The following RNF150 variants were observed in gnomAD, a reference collection of about 807,000 sequenced individuals.
RNF150 encodes ring finger protein 150.
In RNF150, 24 loss-of-function variants were observed where a neutral mutation model predicts 39.3. The ratio of observed to expected loss-of-function variants is 0.61; its 90% CI spans 0.44 to 0.86. RNF150 has a LOEUF of 0.86. Among genes scored for constraint, RNF150 ranks in the 40% least tolerant of loss-of-function variants. The probability of loss-of-function intolerance (pLI) is 0.00; values close to 1 mark genes in which losing one functional copy is unlikely to be tolerated. For missense variants in RNF150, 502 were observed against 587.8 expected (o/e 0.85, Z 1.51); for synonymous variants, 255 against 227.3 (o/e 1.12, Z -1.10).
At chr4:141,140,586 C>T (rs897538684) in intron 1 of RNF150, among the ~76,000 whole-genome samples, 1 of 152,018 alleles carries the variant, frequency 6.6e-6, no homozygotes, top group Non-Finnish European at 1.5e-5. Flanking sequence ...AAACTATCTG[C>T]TTTTCTTTTT....
intron 1 of RNF150, among the ~76,000 whole-genome samples, chr4:141,010,124 G>A (rs1393232719): frequency 6.6e-6 from 1 of 152,244 alleles, no homozygotes; most frequent in Non-Finnish European, 1.5e-5. Flanking sequence ...GTTCAGGAAA[G>A]TGGCTTCAAT....
At chr4:140,907,515 T>G (rs973391150) in intron 6 of RNF150, among the ~76,000 whole-genome samples, 1 of 152,106 alleles carries the variant, frequency 6.6e-6, no homozygotes, top group African/African-American at 2.4e-5. Context: ...AGTGCTGAAA[T>G]GACCTTGACA....
At chr4:140,868,455 T>A in intron 6 of RNF150, 76 bp from the exon 7 acceptor site, 1 of 824,296 alleles carries the variant, frequency 1.2e-6, no homozygotes, top group South Asian at 1.5e-5. Context: ...TACAATTGCT[T>A]GTAATAACAT....
chr4:141,150,655 A>G (rs549740671), intron 1 of RNF150, among the ~76,000 whole-genome samples: 2 of 152,260 alleles, frequency 1.3e-5, no homozygotes, highest in African/African-American at 4.8e-5. Flanking sequence ...TGTCCCTCTA[A>G]TATGCCTTAC....
intron 6 of RNF150, among the ~76,000 whole-genome samples, chr4:140,869,063 G>T (rs1483813037): frequency 1.3e-5 from 2 of 152,214 alleles, no homozygotes; most frequent in East Asian, 3.9e-4. Flanking sequence ...TCATTTCCAG[G>T]ATGTATTATA....
At chr4:140,889,389 G>T (rs1240229271) in intron 6 of RNF150, among the ~76,000 whole-genome samples, 2 of 151,992 alleles carry the variant, frequency 1.3e-5, no homozygotes, top group African/African-American at 4.8e-5. Context: ...TTCTGGAGTT[G>T]GTATTTTAAA....
At chr4:141,152,714 G>A (rs1052481400) in intron 1 of RNF150, among the ~76,000 whole-genome samples, 22 of 152,188 alleles carry the variant, frequency 1.4e-4, no homozygotes, top group African/African-American at 4.8e-4. Context: ...CCACTTCTGG[G>A]GGATAAAAGC....
chr4:140,887,516 A>T (rs1408255764), intron 6 of RNF150, among the ~76,000 whole-genome samples: 1 of 152,198 alleles, frequency 6.6e-6, no homozygotes, highest in Non-Finnish European at 1.5e-5. Context: ...CCTGGCTATC[A>T]TCCCACTGTT....
intron 1 of RNF150, among the ~76,000 whole-genome samples, chr4:141,173,380 C>G (rs186370611): frequency 9.1e-4 from 138 of 152,266 alleles, no homozygotes; most frequent in African/African-American, 3.2e-3. Context: ...AGAAAACAGA[C>G]ATAAGTAAAA....
chr4:140,943,513 C>CT lies in RNF150; in HGVS notation c.890+4140dup, dbSNP rs376623128. 1.9e-3 allele frequency among the ~76,000 whole-genome samples: 294 copies of CT among 152,280 alleles called. 1 individual carries two copies. The highest frequency in any genetic ancestry group is 6.5e-3 in the African/African-American group (271 of 41,566). ...ATTGTTAGAAGACATGAAAACATTA[C>CT]TTTTTTTCTGTGGAATCTTTCTTAA... On this transcript the variant is annotated intron_variant, in intron 4 of 6. Transcript: ENST00000515673.
At chr4:141,090,003 T>C (rs1157914571) in intron 1 of RNF150, among the ~76,000 whole-genome samples, 1 of 152,186 alleles carries the variant, frequency 6.6e-6, no homozygotes, top group Admixed American at 6.5e-5. Context: ...AGAGCACATC[T>C]TTACCTAGGC....
intron 1 of RNF150, among the ~76,000 whole-genome samples, chr4:141,188,740 C>A (rs950957715): frequency 7.2e-5 from 11 of 152,198 alleles, no homozygotes; most frequent in African/African-American, 1.9e-4. Flanking sequence ...TTCTAGTTAG[C>A]AGTTCCTGTA....
chr4:141,135,792 T>C (rs1023447230), upstream of RNF150, among the ~76,000 whole-genome samples: 1 of 152,186 alleles, frequency 6.6e-6, no homozygotes, highest in Non-Finnish European at 1.5e-5. Context: ...AAAATACTTA[T>C]TAATTCAATA....
rs1728515922 is a variant in RNF150 at position 140,862,148 on chromosome 4, T to C, written c.*6113A>G. ...CACTAAGGATAACAGACCACAGATA[T>C]TCTGCCAAGCAATGACTTTGGGTAA... On this transcript the variant is annotated 3_prime_UTR_variant, in exon 7 of 7. Coordinates refer to ENST00000515673, the MANE Select transcript of RNF150 (RefSeq NM_020724.2). 1 of 152,180 alleles carries C rather than the reference T, an allele frequency of 6.6e-6. No individual in the cohort carries two copies. The highest frequency in any genetic ancestry group is 1.5e-5 in the Non-Finnish European group (1 of 68,040). The allele number at this position is 152,180 out of a possible 1,614,324, so 9.4% of individuals were successfully genotyped here.
At chr4:140,963,980 A>G (rs1022945472) in intron 2 of RNF150, among the ~76,000 whole-genome samples, 1 of 152,056 alleles carries the variant, frequency 6.6e-6, no homozygotes, top group Non-Finnish European at 1.5e-5. Flanking sequence ...AAACAATCCC[A>G]TTAAATTGAG....
intron 1 of RNF150, among the ~76,000 whole-genome samples, chr4:141,121,932 G>T (rs1311374546): frequency 6.6e-6 from 1 of 152,064 alleles, no homozygotes; most frequent in African/African-American, 2.4e-5. Context: ...AACATATGGG[G>T]AGTCCCCTCC....
intron 4 of RNF150, among the ~76,000 whole-genome samples, chr4:140,931,960 T>C (rs566783477): frequency 6.6e-6 from 1 of 152,340 alleles, no homozygotes; most frequent in East Asian, 1.9e-4. Flanking sequence ...ATGACATTTT[T>C]TCCCCAGCTG....
chr4:140,892,548 G>A lies in RNF150; in HGVS notation c.1198+18596C>T, dbSNP rs181567303. Among the ~76,000 whole-genome samples the A allele has an allele frequency of 3.4e-3, 512 of 152,266 alleles. 6 individuals carry two copies. Among genetic ancestry groups the A allele is most frequent in the African/African-American group, 0.012 (480 of 41,558 alleles). On this transcript the variant is annotated intron_variant, in intron 6 of 6. Transcript: ENST00000515673. ...AATATTGGGTTTGAAAAAGACTTTT[G>A]TTAAAAACCCAAAGGCAAAGGTGTG...
intron 1 of RNF150, among the ~76,000 whole-genome samples, chr4:141,113,800 A>G (rs1739465300): frequency 6.6e-6 from 1 of 152,206 alleles, no homozygotes; most frequent in African/African-American, 2.4e-5. Context: ...GCAAAAGAAC[A>G]GAAACCATAA....
Sources: gnomAD v4.1 joint callset for allele counts (sites outside exome capture counted in the v4.1 genomes callset) on GRCh38, gnomAD v4.1.1 for gene constraint, MANE v1.5 for transcripts, NCBI Gene and HGNC (gene_info 2026-07-23, HGNC 2026-07-21) for gene names.